GPR180: variants seen among roughly 807,000 people sequenced by gnomAD.
GPR180 encodes the protein G protein-coupled receptor 180.
A neutral mutation model predicts 52.6 loss-of-function variants in GPR180; 53 were observed. That is an observed-to-expected ratio of 1.01 (90% confidence interval 0.81 to 1.27). GPR180 has a LOEUF of 1.27. GPR180 is among the 50% of genes most tolerant of loss of function. The probability of loss-of-function intolerance (pLI) is 0.00; values close to 1 mark genes in which losing one functional copy is unlikely to be tolerated. For missense variants in GPR180, 533 were observed against 527.0 expected (o/e 1.01, Z -0.11); for synonymous variants, 200 against 193.1 (o/e 1.04, Z -0.30).
chr13:94,619,373 T>A, intron 4 of GPR180, 43 bp downstream of exon 4: 1 of 1,604,904 alleles, frequency 6.2e-7, no homozygotes, highest in Non-Finnish European at 8.5e-7. Context: ...TTACATCTAA[T>A]TAATCCTAAT....
Position 94,629,334 on chromosome 13 carries a change from G to A in GPR180, c.*2163G>A, listed in dbSNP as rs759315487. On this transcript the variant is annotated 3_prime_UTR_variant, in exon 9 of 9. Coordinates refer to ENST00000376958, the MANE Select transcript of GPR180 (RefSeq NM_180989.6). ...TTATGTGTTTTTACATTTTTTGAAA[G>A]AAGATAAATGGTTCATCCAGAGCTT... 1.1e-4 allele frequency: 16 copies of A among 152,034 alleles called. No homozygotes were observed. Among genetic ancestry groups the A allele is most frequent in the Non-Finnish European group, 1.6e-4 (11 of 67,962 alleles). 9.4% of individuals were successfully genotyped at this position (152,034 alleles called of 1,614,324 possible).
chr13:94,627,347 GAAATGTTTTGAAATATACTTA>G lies in GPR180; in HGVS notation c.*179_*199del. 1 of 495,204 alleles carries G rather than the reference GAAATGTTTTGAAATATACTTA, an allele frequency of 2.0e-6. No homozygotes were observed. Among genetic ancestry groups the G allele is most frequent in the South Asian group, 3.7e-5 (1 of 26,966 alleles). 30.7% of individuals were successfully genotyped at this position (495,204 alleles called of 1,614,324 possible). A position where few individuals can be genotyped will look rare whatever the true frequency, so the allele number is the denominator to read the frequency against. On this transcript the variant is annotated 3_prime_UTR_variant, in exon 9 of 9. Coordinates refer to ENST00000376958, the MANE Select transcript of GPR180 (RefSeq NM_180989.6). ...AAGACTGAAAAAAAAGGTAATAAAT[GAAATGTTTTGAAATATACTTA>G]AACAACAAACTTTGAAGAAAGTGTT...
intron 3 of GPR180, among the ~76,000 whole-genome samples, chr13:94,616,367 A>C (rs1889777849): frequency 6.6e-6 from 1 of 152,150 alleles, no homozygotes; most frequent in African/African-American, 2.4e-5. Context: ...AGTGTGGGAG[A>C]CCACTGGGGC....
At chr13:94,620,677 T>A (rs1219779101) in intron 5 of GPR180, among the ~76,000 whole-genome samples, 1 of 152,216 alleles carries the variant, frequency 6.6e-6, no homozygotes, top group Admixed American at 6.5e-5. Flanking sequence ...ATGAAGGTAC[T>A]AGTATTCTCC....
In GPR180 at chr13:94,627,157, C is replaced by A; in HGVS notation, c.1309C>A (p.Arg437Ser). 1 of 1,612,040 alleles carries A rather than the reference C, an allele frequency of 6.2e-7. No homozygotes were observed. ...GACCATATCATCTGGACACAAAAGT[C>A]GCCCTCATTTCTGATACTTGATTTT... ...PLTISSGHKS[R>S]PHF The change falls in exon 9 of 9, where the codon CGC becomes AGC. Residue 437 changes from arginine to serine, a missense_variant. Physicochemically the swap from Arg to Ser is moderately radical, Grantham distance 110 (BLOSUM62 -1). Transcript: ENST00000376958.
chr13:94,604,515 G>A (rs1228854787), intron 1 of GPR180, among the ~76,000 whole-genome samples: 1 of 152,034 alleles, frequency 6.6e-6, no homozygotes, highest in East Asian at 2.0e-4. Context: ...GCTTGAACCT[G>A]GGAGGTGGAG....
Position 94,633,421 on chromosome 13 carries a change from C to T in GPR180, c.*6250C>T, listed in dbSNP as rs934826168. On this transcript the variant is annotated 3_prime_UTR_variant, in exon 9 of 9. Transcript: ENST00000376958. The stretch of plus-strand genomic sequence containing the variant: ...GTGTTTTTGTTTTCCATGGATTGTA[C>T]TAGATATCAATCTGATAAATAACTT... The T allele has an allele frequency of 6.6e-6, 1 of 152,140 alleles. No homozygotes were observed. The highest frequency in any genetic ancestry group is 2.4e-5 in the African/African-American group (1 of 41,456). The allele number at this position is 152,140 out of a possible 1,614,324, so 9.4% of individuals were successfully genotyped here.
Position 94,627,070 on chromosome 13 carries a change from CTCTT to C in GPR180, c.1226_1229del (p.Phe409CysfsTer15), listed in dbSNP as rs777569038. On this transcript the variant is annotated frameshift_variant, in exon 9 of 9. Coordinates refer to ENST00000376958, the MANE Select transcript of GPR180 (RefSeq NM_180989.6). LOFTEE classifies it high-confidence loss of function. ...TGTTTCCATGGTTATTCTCTACAGA[CTCTT>C]TCTGTCTCACAGTCTATACTGGGAA... 2 of 1,611,594 alleles carry C rather than the reference CTCTT, an allele frequency of 1.2e-6. No homozygotes were observed. Among genetic ancestry groups the C allele is most frequent in the South Asian group, 2.2e-5 (2 of 90,988 alleles).
chr13:94,602,899 A>G (rs1439844644), intron 1 of GPR180, among the ~76,000 whole-genome samples: 3 of 152,200 alleles, frequency 2.0e-5, no homozygotes, highest in African/African-American at 7.2e-5. Flanking sequence ...ATTTGCCTTG[A>G]TGACATTAGG....
At chr13:94,617,041 A>C (rs994696279) in intron 3 of GPR180, among the ~76,000 whole-genome samples, 1 of 152,178 alleles carries the variant, frequency 6.6e-6, no homozygotes, top group Admixed American at 6.5e-5. Flanking sequence ...TTTTTCTGGA[A>C]GATTATTAAC....
Position 94,619,451 on chromosome 13 carries a change from C to T in GPR180, c.687-17C>T, listed in dbSNP as rs931100346. 1 of 1,610,508 alleles carries T rather than the reference C, an allele frequency of 6.2e-7. No homozygotes were observed. Among genetic ancestry groups the T allele is most frequent in the Admixed American group, 1.7e-5 (1 of 59,718 alleles). On this transcript the variant is annotated splice_polypyrimidine_tract_variant and intron_variant, in intron 4 of 8. Coordinates refer to ENST00000376958, the MANE Select transcript of GPR180 (RefSeq NM_180989.6). Reference sequence around the variant, plus strand: ...TTTCACATTTGTAATTTACACTACTCTTCTTCAATTCCTCAGTTACTCCAA... The same window carrying T: ...TTTCACATTTGTAATTTACACTACTTTTCTTCAATTCCTCAGTTACTCCAA...
chr13:94,620,630 C>T (rs1488608175), intron 5 of GPR180, among the ~76,000 whole-genome samples: 1 of 152,136 alleles, frequency 6.6e-6, no homozygotes, highest in Non-Finnish European at 1.5e-5. Flanking sequence ...ATACTCTTCA[C>T]ATTATAGTTC....
Position 94,627,215 on chromosome 13 carries a change from T to A in GPR180, c.*44T>A. The A allele has an allele frequency of 6.5e-7, 1 of 1,548,918 alleles. No individual in the cohort carries two copies. The highest frequency in any genetic ancestry group is 2.3e-5 in the East Asian group (1 of 44,304). On this transcript the variant is annotated 3_prime_UTR_variant, in exon 9 of 9. Coordinates refer to ENST00000376958, the MANE Select transcript of GPR180 (RefSeq NM_180989.6). The stretch of plus-strand genomic sequence containing the variant: ...AGGAAAAGTGAATTGGTTAAAAGAG[T>A]GCAATAAGGATCCAAATACAGTGAC...
intron 1 of GPR180, 109 bp downstream of exon 1, chr13:94,602,181 G>A: frequency 9.4e-7 from 1 of 1,059,918 alleles, no homozygotes; most frequent in Non-Finnish European, 1.2e-6. Context: ...CGAGGCCGGC[G>A]ACTTCCCCAG....
chr13:94,619,382 A>G (rs1290739109), intron 4 of GPR180, 52 bp downstream of exon 4: 2 of 1,603,784 alleles, frequency 1.2e-6, no homozygotes, highest in South Asian at 2.2e-5. Flanking sequence ...ATTAATCCTA[A>G]TTAGTCCACC....
Position 94,623,222 on chromosome 13 carries a change from A to G in GPR180, c.1008A>G (p.Ser336=), listed in dbSNP as rs763165000. 6.2e-7 allele frequency: 1 copy of G among 1,613,930 alleles called. No individual in the cohort carries two copies. Among genetic ancestry groups the G allele is most frequent in the Non-Finnish European group, 8.5e-7 (1 of 1,179,800 alleles). Residue 336 remains serine (S), a synonymous_variant, in exon 7 of 9, where the codon TCA becomes TCG. Transcript: ENST00000376958. ...LIVLRICLAL[S]LGCGLYQIIT... ...TTCTAAGAATTTGCCTAGCATTGTC[A>G]TTAGGCTGTGGACTCTATCAGATCA...
chr13:94,602,199 T>A, intron 1 of GPR180, 127 bp downstream of exon 1: 1 of 873,586 alleles, frequency 1.1e-6, no homozygotes, highest in Non-Finnish European at 1.5e-6. Context: ...CAGCCTCACC[T>A]GGACCTCCAG....
Position 94,629,521 on chromosome 13 carries a change from T to C in GPR180, c.*2350T>C, listed in dbSNP as rs1171845664. 1 of 152,192 alleles carries C rather than the reference T, an allele frequency of 6.6e-6. No homozygotes were observed. Among genetic ancestry groups the C allele is most frequent in the East Asian group, 1.9e-4 (1 of 5,200 alleles). The allele number at this position is 152,192 out of a possible 1,614,324, so 9.4% of individuals were successfully genotyped here. The stretch of plus-strand genomic sequence containing the variant: ...AACCAGGCTCCCATTTAACTGAGTA[T>C]AAGAGAGAATAAATGATTTCTCTAA... On this transcript the variant is annotated 3_prime_UTR_variant, in exon 9 of 9. Coordinates refer to ENST00000376958, the MANE Select transcript of GPR180 (RefSeq NM_180989.6).
At chr13:94,626,102 G>A (rs963801212) in intron 8 of GPR180, 59 bp downstream of exon 8, 11 of 1,200,062 alleles carry the variant, frequency 9.2e-6, no homozygotes, top group Admixed American at 1.8e-5. Context: ...TTAATTGGGA[G>A]AATATTTAAA....
Sources: gnomAD v4.1 joint callset for allele counts (sites outside exome capture counted in the v4.1 genomes callset) on GRCh38, gnomAD v4.1.1 for gene constraint, MANE v1.5 for transcripts, NCBI Gene and HGNC (gene_info 2026-07-23, HGNC 2026-07-21) for gene names.